Variants in PLCE1 observed in about 807,000 individuals in gnomAD.
PLCE1 encodes phospholipase C epsilon 1.
In PLCE1, 119 loss-of-function variants were observed where a neutral mutation model predicts 242.8. That is an observed-to-expected ratio of 0.49 (90% CI 0.42 to 0.57). The LOEUF (loss-of-function observed/expected upper bound fraction) is 0.57. Among genes scored for constraint, PLCE1 ranks in the 20% least tolerant of loss-of-function variants. PLCE1 has a pLI of 0.00. For synonymous variants in PLCE1, 945 were observed against 1,017.4 expected (o/e 0.93, Z 1.35); for missense variants, 2,441 against 2,788.8 (o/e 0.88, Z 2.81).
chr10:94,208,751 G>A (rs2049244443), intron 4 of PLCE1, among the ~76,000 whole-genome samples: 1 of 152,166 alleles, frequency 6.6e-6, no homozygotes, highest in African/African-American at 2.4e-5. Context: ...AGGATATTCT[G>A]AAGAAACTCT....
intron 22 of PLCE1, among the ~76,000 whole-genome samples, chr10:94,287,732 GA>G (rs1309580528): frequency 5.5e-5 from 8 of 145,002 alleles, no homozygotes; most frequent in South Asian, 4.4e-4. Flanking sequence ...CCTTCTAATA[GA>G]AAAAAAAAAG....
chr10:94,288,264 C>T (rs781780429), intron 22 of PLCE1, among the ~76,000 whole-genome samples: 4 of 152,116 alleles, frequency 2.6e-5, no homozygotes, highest in East Asian at 1.9e-4. Context: ...ATGTCCATTA[C>T]GCTGCTCTGT....
At chr10:94,254,761 G>T in intron 10 of PLCE1, 132 bp from the exon 11 acceptor site, 1 of 944,688 alleles carries the variant, frequency 1.1e-6, no homozygotes, top group Non-Finnish European at 1.7e-6. Context: ...AGATATTTTG[G>T]TGCTGCTTGT....
At chr10:94,078,021 TTG>T (rs907416685) in intron 2 of PLCE1, among the ~76,000 whole-genome samples, 1 of 152,344 alleles carries the variant, frequency 6.6e-6, no homozygotes, top group African/African-American at 2.4e-5. Flanking sequence ...TTAGTTGAAC[TTG>T]TGTGAGGCTA....
intron 18 of PLCE1, among the ~76,000 whole-genome samples, chr10:94,272,149 A>G (rs2051768911): frequency 6.6e-6 from 1 of 152,218 alleles, no homozygotes; most frequent in African/African-American, 2.4e-5. Context: ...GGGGTTTCCC[A>G]ATCCTAGTAA....
intron 4 of PLCE1, among the ~76,000 whole-genome samples, chr10:94,183,605 C>A (rs1256819645): frequency 6.6e-6 from 1 of 152,174 alleles, no homozygotes; most frequent in Non-Finnish European, 1.5e-5. Flanking sequence ...ACCCTGACAT[C>A]TAAACTGTAC....
chr10:94,111,094 A>G (rs2045940586), intron 2 of PLCE1, among the ~76,000 whole-genome samples: 1 of 152,204 alleles, frequency 6.6e-6, no homozygotes, highest in Admixed American at 6.5e-5. Context: ...ACTCCCTGGG[A>G]GACTCAGCAA....
Position 94,269,028 on chromosome 10 carries a change from C to T in PLCE1, c.4381C>T (p.Pro1461Ser). 6.4e-7 allele frequency: 1 copy of T among 1,556,508 alleles called. No individual in the cohort carries two copies. Among genetic ancestry groups the T allele is most frequent in the Non-Finnish European group, 8.9e-7 (1 of 1,127,760 alleles). The part of the protein sequence containing the change: ...YHGHTLTTKI[P>S]FKEVVEAIDR... ...TGGACATACGCTGACAACCAAGATCCCCTTCAAGGTAATCCTTCATAACTT... is the reference window on the plus strand; with the variant it reads ...TGGACATACGCTGACAACCAAGATCTCCTTCAAGGTAATCCTTCATAACTT... The change falls in exon 17 of 33, where the codon CCC (proline) becomes TCC (serine). Residue 1461 changes from proline to serine, a missense_variant. Pro to Ser is a moderately conservative substitution (Grantham distance 74, BLOSUM62 -1). This residue lies in a region of PLCE1 where 1,004 missense variants were observed against 1,322.7 expected (regional missense o/e 0.76). Coordinates refer to ENST00000371380, the MANE Select transcript of PLCE1 (RefSeq NM_016341.4).
chr10:94,324,869 T>C (rs748651029), intron 31 of PLCE1, 23 bp from the exon 32 acceptor site: 17 of 1,611,762 alleles, frequency 1.1e-5, no homozygotes, highest in African/African-American at 2.7e-5. Context: ...CTAACACCAA[T>C]GGAAGGTTCT....
At chr10:94,304,892 G>A (rs2053150763) in intron 25 of PLCE1, among the ~76,000 whole-genome samples, 1 of 152,168 alleles carries the variant, frequency 6.6e-6, no homozygotes, top group African/African-American at 2.4e-5. Flanking sequence ...CTGATGTTCT[G>A]ATGATGGTAA....
chr10:94,084,469 G>C (rs2044744802), intron 2 of PLCE1, among the ~76,000 whole-genome samples: 1 of 152,116 alleles, frequency 6.6e-6, no homozygotes. Flanking sequence ...TTCCTCTTCT[G>C]TAAAACCAGG....
intron 2 of PLCE1, among the ~76,000 whole-genome samples, chr10:94,062,166 C>G (rs924390751): frequency 5.3e-5 from 8 of 152,206 alleles, no homozygotes; most frequent in Non-Finnish European, 2.9e-5. Flanking sequence ...ACTGTTGGTA[C>G]TGGACTCAGA....
chr10:94,064,114 G>C (rs2044135393), intron 2 of PLCE1, among the ~76,000 whole-genome samples: 1 of 152,122 alleles, frequency 6.6e-6, no homozygotes, highest in Non-Finnish European at 1.5e-5. Context: ...TGTGTACAAA[G>C]GATTTTTGCC....
chr10:94,200,548 G>T (rs2048958173), intron 4 of PLCE1, among the ~76,000 whole-genome samples: 1 of 152,230 alleles, frequency 6.6e-6, no homozygotes, highest in African/African-American at 2.4e-5. Flanking sequence ...AAAGAGAATA[G>T]ACAAATCTGT....
intron 13 of PLCE1, among the ~76,000 whole-genome samples, chr10:94,261,299 T>G (rs889840882): frequency 3.9e-5 from 6 of 152,210 alleles, no homozygotes; most frequent in African/African-American, 1.2e-4. Flanking sequence ...GCATTTAAGT[T>G]TCCTTCCTCC....
At position 94,294,748 on chromosome 10, in the gene PLCE1, C is replaced by T. The variant is rs923677301; in HGVS notation, c.5167+1109C>T. Among the ~76,000 whole-genome samples, 24 of 152,160 alleles carry T rather than the reference C, an allele frequency of 1.6e-4. 1 individual carries two copies. The highest frequency in any genetic ancestry group is 2.6e-4 in the Non-Finnish European group (18 of 68,016). ...GAGGGTGTTGCCTCAACGTTGATGG[C>T]TGCTGATTCATCAGGGGGGTGGTTG... On this transcript the variant is annotated intron_variant, in intron 23 of 32. Coordinates refer to ENST00000371380, the MANE Select transcript of PLCE1 (RefSeq NM_016341.4).
chr10:94,264,395 A>T (rs1231459770), intron 14 of PLCE1, among the ~76,000 whole-genome samples: 1 of 152,088 alleles, frequency 6.6e-6, no homozygotes, highest in Non-Finnish European at 1.5e-5. Context: ...ATGGTGTCAG[A>T]CAGATGTGCA....
chr10:94,169,045 A>G (rs1191309772), intron 3 of PLCE1, among the ~76,000 whole-genome samples: 1 of 152,158 alleles, frequency 6.6e-6, no homozygotes, highest in Non-Finnish European at 1.5e-5. Context: ...ATATAATTTA[A>G]TAGTCTCCAT....
chr10:94,115,273 G>T (rs2046087983), intron 2 of PLCE1, among the ~76,000 whole-genome samples: 1 of 152,162 alleles, frequency 6.6e-6, no homozygotes, highest in South Asian at 2.1e-4. Context: ...AATCCTTTGG[G>T]TATATACCCA....
Sources: allele counts gnomAD v4.1 joint callset (sites outside exome capture counted in the v4.1 genomes callset), GRCh38; gene constraint gnomAD v4.1.1; regional missense constraint gnomAD v4.1.1; transcripts MANE v1.5; gene names NCBI Gene and HGNC (gene_info 2026-07-23, HGNC 2026-07-21).